RNF217: variants seen among roughly 807,000 people sequenced by gnomAD.
RNF217 encodes the protein E3 ubiquitin-protein ligase RNF217.
RNF217 carries 31 observed loss-of-function variants against 57.8 expected under a neutral mutation model. The ratio of observed to expected loss-of-function variants is 0.54; its 90% confidence interval spans 0.40 to 0.72. The LOEUF is 0.72. Ranked by LOEUF, RNF217 falls within the 30% of genes least tolerant of loss-of-function variation. RNF217 has a pLI of 0.00. For missense variants in RNF217, 696 were observed against 708.3 expected (o/e 0.98, Z 0.20); for synonymous variants, 313 against 294.0 (o/e 1.06, Z -0.66).
intron 4 of RNF217, among the ~76,000 whole-genome samples, chr6:125,079,941 C>A (rs1029284922): frequency 6.6e-6 from 1 of 152,006 alleles, no homozygotes; most frequent in African/African-American, 2.4e-5. Context: ...TAGATGTAAA[C>A]ATGTTTTGAA....
intron 3 of RNF217, among the ~76,000 whole-genome samples, chr6:125,063,742 T>C (rs1366132192): frequency 1.3e-5 from 2 of 152,198 alleles, no homozygotes; most frequent in Non-Finnish European, 1.5e-5. Flanking sequence ...AAGAAAGTTG[T>C]AAACAAGAGG....
At chr6:124,984,332 A>G (rs1051375385) in intron 1 of RNF217, among the ~76,000 whole-genome samples, 2 of 152,042 alleles carry the variant, frequency 1.3e-5, no homozygotes, top group African/African-American at 4.8e-5. Context: ...GGATCATTTG[A>G]GCCCAAGTGT....
chr6:125,066,960 A>G (rs1312534589), intron 3 of RNF217, among the ~76,000 whole-genome samples: 1 of 151,284 alleles, frequency 6.6e-6, no homozygotes, highest in Admixed American at 6.6e-5. Context: ...TAGACTGACA[A>G]TGATAAACAC....
intron 1 of RNF217, among the ~76,000 whole-genome samples, chr6:125,009,855 A>G (rs555730641): frequency 4.6e-5 from 7 of 152,236 alleles, no homozygotes; most frequent in Middle Eastern, 3.4e-3. Flanking sequence ...ATATTACACA[A>G]TCTTTAAAAA....
Position 124,989,161 on chromosome 6 carries a change from T to A in RNF217, c.882+25735T>A, listed in dbSNP as rs941676348. Among the ~76,000 whole-genome samples the A allele has an allele frequency of 2.0e-5, 3 of 151,932 alleles. No homozygotes were observed. The South Asian group carries it at 6.2e-4, about 32-fold the overall frequency. ...TCTGTGTGATGGAATTTTTTTTTAA[T>A]TTACTATTTTTTAAACCGTCACTTT... On this transcript the variant is annotated intron_variant, in intron 1 of 5. Coordinates refer to ENST00000521654, the MANE Select transcript of RNF217 (RefSeq NM_001286398.3).
intron 3 of RNF217, among the ~76,000 whole-genome samples, chr6:125,069,955 T>C (rs1187703692): frequency 6.6e-6 from 1 of 152,128 alleles, no homozygotes; most frequent in Non-Finnish European, 1.5e-5. Context: ...GCACCCATTA[T>C]CCGAGCAGTG....
intron 1 of RNF217, among the ~76,000 whole-genome samples, chr6:124,971,093 G>C (rs1036019708): frequency 6.6e-6 from 1 of 152,194 alleles, no homozygotes; most frequent in African/African-American, 2.4e-5. Context: ...AGGTTAGAGA[G>C]ATTAAATAAC....
At chr6:125,036,945 G>A (rs1161877710) in intron 1 of RNF217, among the ~76,000 whole-genome samples, 1 of 149,544 alleles carries the variant, frequency 6.7e-6, no homozygotes, top group East Asian at 1.9e-4. Context: ...AGATGGAGAG[G>A]AAGTGGAGAA....
At chr6:124,993,474 A>G (rs1392920247) in intron 1 of RNF217, among the ~76,000 whole-genome samples, 3 of 152,302 alleles carry the variant, frequency 2.0e-5, no homozygotes, top group South Asian at 4.1e-4. Flanking sequence ...CTTAGGAAAT[A>G]TGAGAGAATA....
chr6:125,082,945 A>C lies in RNF217; in HGVS notation c.*8A>C, dbSNP rs1582788528. 1.3e-6 allele frequency: 2 copies of C among 1,587,572 alleles called. No homozygotes were observed. Among genetic ancestry groups the C allele is most frequent in the Non-Finnish European group, 1.7e-6 (2 of 1,170,636 alleles). ...ACAGGTATGCACTGGTAACATGCAG[A>C]TGATTTCATCCAGCTAAGCTGGTTG... On this transcript the variant is annotated 3_prime_UTR_variant, in exon 6 of 6. Coordinates refer to ENST00000521654, the MANE Select transcript of RNF217 (RefSeq NM_001286398.3).
chr6:125,040,104 A>G (rs1024943852), intron 1 of RNF217, among the ~76,000 whole-genome samples: 2 of 152,166 alleles, frequency 1.3e-5, no homozygotes, highest in African/African-American at 4.8e-5. Flanking sequence ...AGCAGAATTG[A>G]AGGAGATAGA....
At position 125,045,206 on chromosome 6, in the gene RNF217, T is replaced by C. The variant is rs762144212; in HGVS notation, c.883-5T>C. On this transcript the variant is annotated splice_region_variant and splice_polypyrimidine_tract_variant and intron_variant, in intron 1 of 5. Coordinates refer to ENST00000521654, the MANE Select transcript of RNF217 (RefSeq NM_001286398.3). The stretch of plus-strand genomic sequence containing the variant: ...TTTCCTTCCATCTGCTCTTCCATCA[T>C]GCAGGTACAACTTGGCCAAGTAGAA... 2.2e-5 allele frequency: 36 copies of C among 1,600,074 alleles called. 1 individual carries two copies. In the South Asian group the frequency reaches 3.7e-4, roughly 16 times the overall value.
At chr6:124,983,597 G>A (rs1479485244) in intron 1 of RNF217, 3 of 621,140 alleles carry the variant, frequency 4.8e-6, no homozygotes, top group Non-Finnish European at 6.0e-6. Flanking sequence ...TCATAAGGGT[G>A]TGGGGGAGAT....
intron 4 of RNF217, among the ~76,000 whole-genome samples, chr6:125,078,115 C>G (rs961391112): frequency 2.0e-5 from 3 of 152,122 alleles, no homozygotes; most frequent in East Asian, 3.9e-4. Flanking sequence ...TAATGATTTT[C>G]CAGTGCGTGC....
At position 125,090,606 on chromosome 6, in the gene RNF217, T is replaced by G. The variant is rs1295267815; in HGVS notation, c.*7669T>G. On this transcript the variant is annotated 3_prime_UTR_variant, in exon 6 of 6. Coordinates refer to ENST00000521654, the MANE Select transcript of RNF217 (RefSeq NM_001286398.3). Reference sequence around the variant, plus strand: ...GTATTCCATTTTAATTATATTCTCCTTAACAATAGAAAATTAGAAGAAATT... The same window carrying G: ...GTATTCCATTTTAATTATATTCTCCGTAACAATAGAAAATTAGAAGAAATT... 1.3e-5 allele frequency: 2 copies of G among 151,758 alleles called. No homozygotes were observed. The highest frequency in any genetic ancestry group is 4.8e-5 in the African/African-American group (2 of 41,444). 9.4% of individuals were successfully genotyped at this position (151,758 alleles called of 1,614,324 possible). A position where few individuals can be genotyped will look rare whatever the true frequency, so the allele number is the denominator to read the frequency against.
chr6:124,973,532 G>A (rs1319053271), intron 1 of RNF217, among the ~76,000 whole-genome samples: 1 of 152,224 alleles, frequency 6.6e-6, no homozygotes, highest in African/African-American at 2.4e-5. Context: ...ATAAATATTT[G>A]TTAAAGCCTG....
At chr6:124,983,427 G>A in intron 1 of RNF217, 1 of 984,992 alleles carries the variant, frequency 1.0e-6, no homozygotes, top group Non-Finnish European at 1.2e-6. Flanking sequence ...ATATGGTCAG[G>A]ACAAATGTGA....
intron 3 of RNF217, among the ~76,000 whole-genome samples, chr6:125,066,939 G>A (rs578239030): frequency 6.6e-6 from 1 of 152,278 alleles, no homozygotes; most frequent in East Asian, 1.9e-4. Flanking sequence ...CAGAAGGGGA[G>A]ACATAGTCCT....
At chr6:125,071,051 A>G (rs1322529081) in intron 3 of RNF217, among the ~76,000 whole-genome samples, 1 of 152,184 alleles carries the variant, frequency 6.6e-6, no homozygotes, top group African/African-American at 2.4e-5. Context: ...TTTGAAAATA[A>G]AAGGCCACAT....
Sources: gnomAD v4.1 joint callset for allele counts (sites outside exome capture counted in the v4.1 genomes callset) on GRCh38, gnomAD v4.1.1 for gene constraint, MANE v1.5 for transcripts, NCBI Gene and HGNC (gene_info 2026-07-23, HGNC 2026-07-21) for gene names.